THADA: variants seen among roughly 807,000 people sequenced by gnomAD.
THADA encodes tRNA (32-2'-O)-methyltransferase regulator THADA.
In THADA, 213 loss-of-function variants were observed where a neutral mutation model predicts 219.8. That is an observed-to-expected ratio of 0.97 (90% CI 0.87 to 1.09). The LOEUF (loss-of-function observed/expected upper bound fraction) is 1.09, where lower values mean the gene tolerates loss of function less well. Ranked by LOEUF, THADA falls within the 50% of genes least tolerant of loss-of-function variation. THADA has a pLI of 0.00. For missense variants in THADA, 2,956 were observed against 2,311.3 expected (o/e 1.28, Z -5.72); for synonymous variants, 1,018 against 828.9 (o/e 1.23, Z -3.92).
intron 36 of THADA, among the ~76,000 whole-genome samples, chr2:43,257,427 C>T (rs569135133): frequency 1.2e-4 from 19 of 152,336 alleles, no homozygotes; most frequent in African/African-American, 4.3e-4. Flanking sequence ...AGGCTTCTCC[C>T]GGGCCAGCGG....
chr2:43,440,593 A>C (rs1680728927), intron 26 of THADA, among the ~76,000 whole-genome samples: 1 of 152,212 alleles, frequency 6.6e-6, no homozygotes, highest in African/African-American at 2.4e-5. Flanking sequence ...ACTTAAAGGT[A>C]AATCTTTGAG....
chr2:43,539,714 CA>C (rs1473920767), intron 21 of THADA, among the ~76,000 whole-genome samples: 1 of 151,864 alleles, frequency 6.6e-6, no homozygotes, highest in Non-Finnish European at 1.5e-5. Context: ...TAATGTTTTA[CA>C]GAAAAACAGT....
chr2:43,466,141 C>T (rs1684203581), intron 26 of THADA, among the ~76,000 whole-genome samples: 1 of 152,204 alleles, frequency 6.6e-6, no homozygotes, highest in South Asian at 2.1e-4. Context: ...CAGAATTTCC[C>T]AAAGTGTGTC....
intron 31 of THADA, among the ~76,000 whole-genome samples, chr2:43,299,976 C>T (rs968654848): frequency 3.5e-5 from 5 of 143,746 alleles, no homozygotes; most frequent in Non-Finnish European, 7.5e-5. Flanking sequence ...AGCAGTGAGC[C>T]GAGATTGTGC....
At position 43,451,067 on chromosome 2, in the gene THADA, C is replaced by G. The variant is rs1395743486; in HGVS notation, c.3837-20765G>C. Among the ~76,000 whole-genome samples, 4 of 152,072 alleles carry G rather than the reference C, an allele frequency of 2.6e-5. No individual in the cohort carries two copies. The South Asian group carries it at 6.2e-4, about 24-fold the overall frequency. ...TATAAATATAGTTAATATCATTGAA[C>G]CATATACTTAAAAATGGTTAAGATG... On this transcript the variant is annotated intron_variant, in intron 26 of 37. Transcript: ENST00000405975.
chr2:43,346,428 G>A (rs1294147749), intron 29 of THADA, among the ~76,000 whole-genome samples: 1 of 151,988 alleles, frequency 6.6e-6, no homozygotes, highest in East Asian at 1.9e-4. Flanking sequence ...CCCAAGAAGG[G>A]CAATTTGTCC....
intron 30 of THADA, among the ~76,000 whole-genome samples, chr2:43,327,242 T>C (rs919714149): frequency 2.0e-5 from 3 of 152,174 alleles, no homozygotes; most frequent in African/African-American, 7.2e-5. Context: ...GGTAGTTCTC[T>C]TATCTTAGCT....
intron 28 of THADA, among the ~76,000 whole-genome samples, chr2:43,407,939 T>C (rs145400927): frequency 2.1e-3 from 320 of 152,312 alleles, no homozygotes; most frequent in African/African-American, 7.5e-3. Context: ...TTTGTTGTGA[T>C]AATGAATGAG....
At chr2:43,291,979 G>C in intron 33 of THADA, 125 bp downstream of exon 33, 1 of 773,012 alleles carries the variant, frequency 1.3e-6, no homozygotes, top group South Asian at 2.0e-5. Flanking sequence ...GAACTCTTAG[G>C]CTGAGGTTTA....
chr2:43,587,228 G>A (rs997938252), intron 4 of THADA, among the ~76,000 whole-genome samples: 1 of 151,980 alleles, frequency 6.6e-6, no homozygotes, highest in Non-Finnish European at 1.5e-5. Context: ...ATTCTCAACA[G>A]AACAGGCAGA....
rs74924376 is a variant in THADA, at chr2:43,303,917, C to G, written c.4439-10704G>C. Among the ~76,000 whole-genome samples, 1,152 of 152,262 alleles carry G rather than the reference C, an allele frequency of 7.6e-3. 15 individuals carry two copies. The highest frequency in any genetic ancestry group is 0.026 in the African/African-American group (1,074 of 41,534). ...CAGGGCTCCCCAAAAGTTACATTTC[C>G]TAACAAATTCCCAGGTAATGCTGAT... On this transcript the variant is annotated intron_variant, in intron 31 of 37. Transcript: ENST00000405975.
intron 24 of THADA, among the ~76,000 whole-genome samples, chr2:43,504,303 T>A (rs116370721): frequency 1.3e-5 from 2 of 152,226 alleles, no homozygotes; most frequent in Non-Finnish European, 2.9e-5. Flanking sequence ...CTGGCCACTA[T>A]GTGCCATATG....
At chr2:43,289,792 C>T (rs571048834) in intron 34 of THADA, among the ~76,000 whole-genome samples, 65 of 151,930 alleles carry the variant, frequency 4.3e-4, no homozygotes, top group African/African-American at 8.9e-4. Context: ...GCTGGGATTA[C>T]GGGCGCATAC....
At chr2:43,362,126 A>C (rs1439192804) in intron 29 of THADA, among the ~76,000 whole-genome samples, 7 of 152,234 alleles carry the variant, frequency 4.6e-5, no homozygotes, top group Admixed American at 3.3e-4. Flanking sequence ...TTAGCTCCCA[A>C]CGTAGGTCAT....
chr2:43,268,491 T>C (rs944969727), intron 36 of THADA, among the ~76,000 whole-genome samples: 2 of 152,154 alleles, frequency 1.3e-5, no homozygotes, highest in Non-Finnish European at 2.9e-5. Flanking sequence ...GGTCTTGCCA[T>C]GGGGACTGCT....
intron 25 of THADA, among the ~76,000 whole-genome samples, chr2:43,491,686 G>A (rs144701640): frequency 6.6e-6 from 1 of 152,112 alleles, no homozygotes; most frequent in African/African-American, 2.4e-5. Flanking sequence ...ATACAACCTA[G>A]GTGTGGAGTA....
Position 43,400,508 on chromosome 2 carries a change from G to C in THADA, c.4059-2369C>G, listed in dbSNP as rs529582539. Among the ~76,000 whole-genome samples the C allele has an allele frequency of 1.0e-3, 127 of 123,222 alleles. 1 individual carries two copies. Among genetic ancestry groups the C allele is most frequent in the African/African-American group, 3.9e-3 (124 of 32,164 alleles). 80.8% of individuals were successfully genotyped at this position (123,222 alleles called of 152,430 possible). A position where few individuals can be genotyped will look rare whatever the true frequency, so the allele number is the denominator to read the frequency against. ...ATACACTAAGAAAAAAAATTTCTAG[G>C]TTACTGTTTTGTCGCCTACTGGCGG... On this transcript the variant is annotated intron_variant, in intron 28 of 37. Transcript: ENST00000405975.
intron 31 of THADA, among the ~76,000 whole-genome samples, chr2:43,317,747 T>C (rs1481883304): frequency 6.6e-6 from 1 of 152,246 alleles, no homozygotes; most frequent in Non-Finnish European, 1.5e-5. Context: ...TATATGAACA[T>C]GAACATTCAT....
intron 21 of THADA, among the ~76,000 whole-genome samples, chr2:43,534,267 C>G (rs1694266458): frequency 6.6e-6 from 1 of 152,080 alleles, no homozygotes; most frequent in Non-Finnish European, 1.5e-5. Flanking sequence ...AAATAGTGAT[C>G]AGATCAGAAT....
Sources: gnomAD v4.1 joint callset for allele counts (sites outside exome capture counted in the v4.1 genomes callset) on GRCh38, gnomAD v4.1.1 for gene constraint, MANE v1.5 for transcripts, NCBI Gene and HGNC (gene_info 2026-07-23, HGNC 2026-07-21) for gene names.